The following ARK2C variants were observed in gnomAD, a reference collection of about 807,000 sequenced individuals.
The protein encoded by ARK2C is E3 ubiquitin-protein ligase ARK2C.
the ARK2C span, among the ~76,000 whole-genome samples, chr18:46,449,988 TG>T: frequency 2.0e-5 from 3 of 152,114 alleles, no homozygotes; most frequent in Non-Finnish European, 4.4e-5. Flanking sequence ...ATCAGTAAAA[TG>T]GGGAGAGTAA....
the ARK2C span, among the ~76,000 whole-genome samples, chr18:46,413,893 C>T: frequency 6.6e-6 from 1 of 152,168 alleles, no homozygotes; most frequent in African/African-American, 2.4e-5. Context: ...TCTCATGGAT[C>T]CTTCCAGGAA....
chr18:46,442,244 G>T, the ARK2C span, among the ~76,000 whole-genome samples: 1 of 151,100 alleles, frequency 6.6e-6, no homozygotes, highest in African/African-American at 2.4e-5. Flanking sequence ...ACTGATTTCT[G>T]ATCTTGATTT....
At chr18:46,414,567 C>T in the ARK2C span, among the ~76,000 whole-genome samples, 3 of 152,362 alleles carry the variant, frequency 2.0e-5, no homozygotes, top group East Asian at 3.9e-4. Flanking sequence ...ACAAATCCCA[C>T]AGACACATGC....
At chr18:46,435,410 GC>G in the ARK2C span, 2 of 1,590,078 alleles carry the variant, frequency 1.3e-6, no homozygotes, top group Non-Finnish European at 1.7e-6. Flanking sequence ...AGTCTTCAGG[GC>G]CCCTGGGGGA....
the ARK2C span, among the ~76,000 whole-genome samples, chr18:46,396,087 A>G: frequency 4.6e-5 from 7 of 152,198 alleles, no homozygotes; most frequent in Non-Finnish European, 1.0e-4. Flanking sequence ...AATCTTAGAG[A>G]CACAGAGACC....
chr18:46,365,741 G>A, the ARK2C span, among the ~76,000 whole-genome samples: 1 of 152,100 alleles, frequency 6.6e-6, no homozygotes, highest in East Asian at 1.9e-4. Context: ...CTGACTTCAT[G>A]ATCTGCCTGC....
At chr18:46,342,276 GC>G in the ARK2C span, among the ~76,000 whole-genome samples, 4 of 152,314 alleles carry the variant, frequency 2.6e-5, no homozygotes, top group African/African-American at 9.6e-5. Flanking sequence ...GCCTGCCATG[GC>G]CTGCATACGG....
the ARK2C span, among the ~76,000 whole-genome samples, chr18:46,338,588 G>A: frequency 6.6e-6 from 1 of 151,864 alleles, no homozygotes; most frequent in Non-Finnish European, 1.5e-5. Flanking sequence ...ACCCCAAATT[G>A]AGTTGAAAAA....
chr18:46,360,351 C>G, the ARK2C span, among the ~76,000 whole-genome samples: 1 of 152,222 alleles, frequency 6.6e-6, no homozygotes, highest in African/African-American at 2.4e-5. Context: ...TGCAACAGTG[C>G]AGGTGCTCCC....
chr18:46,337,014 A>G, the ARK2C span: 2 of 985,290 alleles, frequency 2.0e-6, no homozygotes. Flanking sequence ...CAATGTCAAG[A>G]GCATCTTTGG....
chr18:46,334,475 ATTTT>A, the ARK2C span: 1 of 652,966 alleles, frequency 1.5e-6, no homozygotes, highest in Non-Finnish European at 2.3e-6. The surrounding 1 kb of genome is among the most constrained non-coding windows in gnomAD (Gnocchi z 4.4). Context: ...CCCCCACCCC[ATTTT>A]AGGGGGACCC....
the ARK2C span, among the ~76,000 whole-genome samples, chr18:46,337,927 G>T: frequency 3.3e-5 from 5 of 152,020 alleles, no homozygotes; most frequent in African/African-American, 1.2e-4. Flanking sequence ...CAGTTCACCT[G>T]CCTAGAGAGA....
the ARK2C span, among the ~76,000 whole-genome samples, chr18:46,363,609 G>A: frequency 2.1e-3 from 313 of 152,318 alleles, 2 homozygotes; most frequent in African/African-American, 7.1e-3. Context: ...GCCCCATCAC[G>A]GGCCCAGGGG....
chr18:46,412,059 A>G, the ARK2C span, among the ~76,000 whole-genome samples: 1 of 152,206 alleles, frequency 6.6e-6, no homozygotes, highest in Non-Finnish European at 1.5e-5. Context: ...CTATTTTTAA[A>G]TGCCCTCTCT....
chr18:46,449,563 C>T, the ARK2C span, among the ~76,000 whole-genome samples: 1 of 152,170 alleles, frequency 6.6e-6, no homozygotes, highest in South Asian at 2.1e-4. Context: ...TGAATAATCC[C>T]CACATGTTAA....
the ARK2C span, among the ~76,000 whole-genome samples, chr18:46,445,664 C>T: frequency 6.7e-3 from 1,022 of 152,330 alleles, 9 homozygotes; most frequent in African/African-American, 0.023. Flanking sequence ...GCTTAGTTCT[C>T]TCCCTGCTCA....
the ARK2C span, among the ~76,000 whole-genome samples, chr18:46,412,926 C>A: frequency 1.3e-5 from 2 of 152,054 alleles, no homozygotes; most frequent in Non-Finnish European, 2.9e-5. Flanking sequence ...CTGACTAGGA[C>A]CCTCAAAATC....
the ARK2C span, among the ~76,000 whole-genome samples, chr18:46,402,963 TATG>T: frequency 3.3e-5 from 5 of 152,226 alleles, no homozygotes; most frequent in Admixed American, 6.5e-5. Context: ...TTAATGATGC[TATG>T]ATTACTTTAG....
chr18:46,382,917 T>A, the ARK2C span, among the ~76,000 whole-genome samples: 1 of 152,366 alleles, frequency 6.6e-6, no homozygotes, highest in South Asian at 2.1e-4. Flanking sequence ...CATGAGCTCA[T>A]GTAGTCCCAT....
Sources: allele counts gnomAD v4.1 joint callset (sites outside exome capture counted in the v4.1 genomes callset), GRCh38; gene constraint gnomAD v4.1.1; non-coding constraint Gnocchi (gnomAD v3.1); transcripts MANE v1.5; gene names NCBI Gene and HGNC (gene_info 2026-07-23, HGNC 2026-07-21).